Variants in CENPP observed in about 807,000 individuals in gnomAD.
CENPP encodes the protein centromere protein P.
A neutral mutation model predicts 35.6 loss-of-function variants in CENPP; 24 were observed. The observed-to-expected ratio is 0.67, with a 90% CI of 0.49 to 0.95. CENPP has a LOEUF of 0.95. CENPP is among the 40% of genes least tolerant of loss of function. The pLI, the probability that CENPP is intolerant of heterozygous loss-of-function variation, is 0.00. For missense variants in CENPP, 332 were observed against 345.3 expected (o/e 0.96, Z 0.31); for synonymous variants, 120 against 125.5 (o/e 0.96, Z 0.29).
chr9:92,541,825 G>T (rs1849325833), intron 5 of CENPP, among the ~76,000 whole-genome samples: 2 of 152,000 alleles, frequency 1.3e-5, no homozygotes, highest in South Asian at 2.1e-4. Context: ...ACGGAGTCTT[G>T]CTCTGTCACC....
At chr9:92,583,622 A>G (rs1850480548) in intron 5 of CENPP, among the ~76,000 whole-genome samples, 1 of 151,844 alleles carries the variant, frequency 6.6e-6, no homozygotes, top group Admixed American at 6.6e-5. Flanking sequence ...ATTACAGAGG[A>G]GTGGGGTTTT....
In CENPP at chr9:92,544,712, A is replaced by ATT. The variant is rs150281438; in HGVS notation, c.565-66583_565-66582dup. Among the ~76,000 whole-genome samples, 295 of 132,402 alleles carry ATT rather than the reference A, an allele frequency of 2.2e-3. 3 individuals are homozygous for ATT. Among genetic ancestry groups the ATT allele is most frequent in the South Asian group, 0.015 (59 of 3,958 alleles). The allele number at this position is 132,402 out of a possible 152,430, so 86.9% of individuals were successfully genotyped here. A position where few individuals can be genotyped will look rare whatever the true frequency, so the allele number is the denominator to read the frequency against. On this transcript the variant is annotated intron_variant, in intron 5 of 7. Coordinates refer to ENST00000375587, the MANE Select transcript of CENPP (RefSeq NM_001012267.3). ...ACCAGAGAAATTGTTATCACTATAAATTTTTTTTTTTTTTTTTTTTGAGTT... is the reference window on the plus strand; with the variant it reads ...ACCAGAGAAATTGTTATCACTATAAATTTTTTTTTTTTTTTTTTTTTTGAGTT...
Position 92,325,986 on chromosome 9 carries a change from T to G in CENPP, c.-13T>G. On this transcript the variant is annotated 5_prime_UTR_variant, in exon 1 of 8. Transcript: ENST00000375587. ...AGCTGCGCTGCCGGCCCGGCTGCGG[T>G]CAGCAACGCGCCATGGACGCAGAGC... The G allele has an allele frequency of 6.5e-7, 1 of 1,546,972 alleles. No individual in the cohort carries two copies. The highest frequency in any genetic ancestry group is 8.7e-7 in the Non-Finnish European group (1 of 1,144,460).
At chr9:92,338,788 C>G (rs533333245) in intron 3 of CENPP, among the ~76,000 whole-genome samples, 5 of 152,272 alleles carry the variant, frequency 3.3e-5, no homozygotes, top group African/African-American at 4.8e-5. Flanking sequence ...TTGTGGTCAT[C>G]TGGGACCACA....
intron 5 of CENPP, among the ~76,000 whole-genome samples, chr9:92,561,646 A>G (rs191328369): frequency 6.6e-6 from 1 of 152,352 alleles, no homozygotes; most frequent in East Asian, 1.9e-4. Flanking sequence ...TGTACATTCA[A>G]AGCTTATGTT....
intron 5 of CENPP, among the ~76,000 whole-genome samples, chr9:92,508,817 T>G (rs999614626): frequency 6.6e-6 from 1 of 152,158 alleles, no homozygotes; most frequent in Non-Finnish European, 1.5e-5. Flanking sequence ...ATAATTGAAT[T>G]GTTTTATTCC....
chr9:92,539,673 A>G (rs1440922650), intron 5 of CENPP, among the ~76,000 whole-genome samples: 2 of 152,162 alleles, frequency 1.3e-5, no homozygotes, highest in Non-Finnish European at 2.9e-5. Context: ...GGGGAGGAGT[A>G]GTATGGACTT....
intron 5 of CENPP, among the ~76,000 whole-genome samples, chr9:92,534,020 A>G (rs1849019596): frequency 6.6e-6 from 1 of 152,086 alleles, no homozygotes; most frequent in South Asian, 2.1e-4. Flanking sequence ...TGTTTAATGT[A>G]TCCTTCTTGG....
intron 5 of CENPP, among the ~76,000 whole-genome samples, chr9:92,490,234 C>T (rs1846145367): frequency 6.6e-6 from 1 of 152,198 alleles, no homozygotes; most frequent in South Asian, 2.1e-4. Context: ...CTCTAAGTAA[C>T]TTGGCCAGGT....
intron 3 of CENPP, among the ~76,000 whole-genome samples, chr9:92,344,372 T>A (rs1312537176): frequency 6.6e-6 from 1 of 152,186 alleles, no homozygotes. Flanking sequence ...CTCCTGAGAT[T>A]TTTGCTTTCC....
intron 5 of CENPP, among the ~76,000 whole-genome samples, chr9:92,422,876 A>C (rs1247443023): frequency 6.6e-6 from 1 of 152,194 alleles, no homozygotes; most frequent in Non-Finnish European, 1.5e-5. Flanking sequence ...TCTGCTTTTC[A>C]TACTCTACAA....
At chr9:92,375,987 A>T (rs534521029) in intron 4 of CENPP, among the ~76,000 whole-genome samples, 12 of 152,218 alleles carry the variant, frequency 7.9e-5, no homozygotes, top group African/African-American at 2.6e-4. Flanking sequence ...AGAAAAAAAG[A>T]TATCTTCTCC....
In CENPP at chr9:92,397,621, C is replaced by T. The variant is rs538614256; in HGVS notation, c.564+17762C>T. 1.3e-3 allele frequency among the ~76,000 whole-genome samples: 203 copies of T among 152,336 alleles called. 1 individual carries two copies. The South Asian group carries it at 0.024, about 18-fold the overall frequency. ...CTGATATTACAGGCATGAGCCACCA[C>T]ACCCGGCCAGCATTGGTTTCTTTTA... On this transcript the variant is annotated intron_variant, in intron 5 of 7. Coordinates refer to ENST00000375587, the MANE Select transcript of CENPP (RefSeq NM_001012267.3).
At chr9:92,517,321 T>C (rs1303061619) in intron 5 of CENPP, 1 of 322,990 alleles carries the variant, frequency 3.1e-6, no homozygotes, top group African/African-American at 2.2e-5. Flanking sequence ...AAAGGCACGT[T>C]GCACTGGATT....
chr9:92,345,613 G>T, intron 3 of CENPP, 86 bp from the exon 4 acceptor site: 1 of 707,554 alleles, frequency 1.4e-6, no homozygotes, highest in Admixed American at 2.8e-5. Context: ...TTATTTGGTG[G>T]CATTTCATTT....
intron 4 of CENPP, among the ~76,000 whole-genome samples, chr9:92,351,486 A>AGG (rs1564273421): frequency 2.0e-3 from 302 of 151,106 alleles, no homozygotes; most frequent in African/African-American, 7.0e-3. Flanking sequence ...AAAAAAAAAA[A>AGG]AAAAAAACCA....
chr9:92,554,349 A>G (rs1014255057), intron 5 of CENPP, among the ~76,000 whole-genome samples: 2 of 151,820 alleles, frequency 1.3e-5, no homozygotes, highest in African/African-American at 4.8e-5. Flanking sequence ...ACTCCCAGCT[A>G]ATTTTTTGTA....
intron 4 of CENPP, among the ~76,000 whole-genome samples, chr9:92,351,612 A>G (rs1377047718): frequency 6.6e-6 from 1 of 152,116 alleles, no homozygotes; most frequent in African/African-American, 2.4e-5. Flanking sequence ...TAAGTACCTC[A>G]TATAAGTAGA....
At chr9:92,475,825 C>G (rs1845695268) in intron 5 of CENPP, among the ~76,000 whole-genome samples, 1 of 152,174 alleles carries the variant, frequency 6.6e-6, no homozygotes, top group Non-Finnish European at 1.5e-5. Flanking sequence ...CATCTTTCCA[C>G]TGAGTTCGGT....
Sources: allele counts gnomAD v4.1 joint callset (sites outside exome capture counted in the v4.1 genomes callset), GRCh38; gene constraint gnomAD v4.1.1; transcripts MANE v1.5; gene names NCBI Gene and HGNC (gene_info 2026-07-23, HGNC 2026-07-21).